The following NID2 variants were observed in gnomAD, a reference collection of about 807,000 sequenced individuals.
The protein encoded by NID2 is nidogen 2, also known as nidogen-2.
NID2 carries 83 observed loss-of-function variants against 145.4 expected under a neutral mutation model. The ratio of observed to expected loss-of-function variants is 0.57; its 90% confidence interval spans 0.48 to 0.69. The LOEUF (loss-of-function observed/expected upper bound fraction) is 0.69. NID2 is among the 30% of genes least tolerant of loss of function. The pLI is 0.00. For missense variants in NID2, 1,807 were observed against 1,765.7 expected (o/e 1.02, Z -0.42); for synonymous variants, 739 against 701.3 (o/e 1.05, Z -0.85).
rs746653150 is a variant in NID2 at position 52,068,985 on chromosome 14, C to T, written c.10G>A (p.Asp4Asn). The change falls in exon 1 of 22, where the codon GAC becomes AAC. Residue 4 changes from aspartate (D) to asparagine (N), a missense_variant. By Grantham distance (23) the Asp-to-Asn change is conservative. Transcript: ENST00000216286. ...AGCACCGGCCGCCCGGCCACCCGGT[C>T]CCCCTCCATGCTCGCTCGGCCGTGC... MEGDRVAGRPVLSS... is the reference protein window; with the variant it reads MEGNRVAGRPVLSS... The T allele has an allele frequency of 5.0e-5, 81 of 1,610,496 alleles. 1 individual carries two copies. In the South Asian group the frequency reaches 8.1e-4, roughly 16 times the overall value.
At chr14:52,028,074 T>C (rs764921760) in intron 11 of NID2, among the ~76,000 whole-genome samples, 4 of 152,302 alleles carry the variant, frequency 2.6e-5, no homozygotes, top group Non-Finnish European at 1.5e-5. Flanking sequence ...TCTCTTCTAA[T>C]TTGAAAAATA....
intron 2 of NID2, among the ~76,000 whole-genome samples, chr14:52,060,576 C>T (rs1172099013): frequency 1.3e-5 from 2 of 152,110 alleles, no homozygotes; most frequent in Non-Finnish European, 2.9e-5. Flanking sequence ...TTTATTATTG[C>T]AAATACCATT....
chr14:52,039,276 A>G (rs1009205043), intron 8 of NID2, among the ~76,000 whole-genome samples: 2 of 152,188 alleles, frequency 1.3e-5, no homozygotes, highest in African/African-American at 2.4e-5. Context: ...ATTCCTCACA[A>G]CAGCCTGGTG....
At chr14:52,035,997 G>C (rs1360986799) in intron 9 of NID2, among the ~76,000 whole-genome samples, 12 of 151,728 alleles carry the variant, frequency 7.9e-5, no homozygotes, top group Admixed American at 2.0e-4. Flanking sequence ...GCATAAGCCA[G>C]TATGCCTGGC....
At chr14:52,022,695 G>A (rs2073624) in intron 12 of NID2, among the ~76,000 whole-genome samples, 34,847 of 152,138 alleles carry the variant, frequency 0.23, 4,097 homozygotes, top group Non-Finnish European at 0.25. Flanking sequence ...TAAAGAACCT[G>A]TTTGGAAAAT....
At chr14:52,045,224 A>G (rs915528493) in intron 5 of NID2, among the ~76,000 whole-genome samples, 3 of 152,178 alleles carry the variant, frequency 2.0e-5, no homozygotes, top group African/African-American at 7.2e-5. Flanking sequence ...CGAGATGACT[A>G]TTACAGCATG....
intron 5 of NID2, among the ~76,000 whole-genome samples, chr14:52,047,712 G>C (rs1194598749): frequency 6.6e-6 from 1 of 152,112 alleles, no homozygotes; most frequent in African/African-American, 2.4e-5. Flanking sequence ...AAACCAAAAG[G>C]GTGGAGCTGC....
At chr14:52,017,991 G>A (rs1891275321) in intron 14 of NID2, among the ~76,000 whole-genome samples, 3 of 152,070 alleles carry the variant, frequency 2.0e-5, no homozygotes, top group Non-Finnish European at 4.4e-5. Flanking sequence ...GCTAATTTTT[G>A]TATTTTTAGT....
intron 12 of NID2, among the ~76,000 whole-genome samples, chr14:52,021,116 G>A (rs1402450034): frequency 6.6e-6 from 1 of 151,882 alleles, no homozygotes; most frequent in Non-Finnish European, 1.5e-5. Flanking sequence ...CAGAGTAAAA[G>A]GAGGATAAAC....
intron 16 of NID2, among the ~76,000 whole-genome samples, chr14:52,013,467 T>G (rs1358315660): frequency 6.6e-6 from 1 of 152,164 alleles, no homozygotes; most frequent in East Asian, 1.9e-4. Flanking sequence ...TGGAACCAAA[T>G]AAGTGTCGTT....
intron 16 of NID2, 175 bp from the exon 17 acceptor site, chr14:52,011,858 TTAG>T: frequency 4.3e-6 from 3 of 698,684 alleles, no homozygotes; most frequent in South Asian, 3.7e-5. Context: ...GCTCAGCCAC[TTAG>T]TAGCCATGTG....
At position 52,007,999 on chromosome 14, in the gene NID2, T is replaced by G. The variant is rs201572293; in HGVS notation, c.3723-32A>C. ...GTTAAAAATCAAGATTGTAAAAGAA[T>G]AGCCATGTAGCCTGTGGTAGGCAGC... On this transcript the variant is annotated intron_variant, in intron 18 of 21. Transcript: ENST00000216286. The G allele has an allele frequency of 5.1e-6, 8 of 1,570,454 alleles. No homozygotes were observed. The African/African-American group carries it at 9.6e-5, about 19-fold the overall frequency.
At chr14:52,028,878 C>A (rs1409807447) in intron 10 of NID2, 28 bp from the exon 11 acceptor site, 18 of 1,611,630 alleles carry the variant, frequency 1.1e-5, no homozygotes, top group Non-Finnish European at 1.5e-5. Context: ...GAGAAAAATT[C>A]TGCTTAATTC....
At chr14:52,046,541 A>G (rs1340728428) in intron 5 of NID2, among the ~76,000 whole-genome samples, 1 of 152,180 alleles carries the variant, frequency 6.6e-6, no homozygotes, top group Admixed American at 6.5e-5. Flanking sequence ...CTAGATATGG[A>G]GAGTTAAACT....
intron 5 of NID2, among the ~76,000 whole-genome samples, chr14:52,047,847 T>C (rs1011086489): frequency 4.6e-5 from 7 of 152,114 alleles, no homozygotes; most frequent in African/African-American, 1.4e-4. Context: ...CACAGCACCA[T>C]GCAGTCCTTC....
intron 2 of NID2, among the ~76,000 whole-genome samples, chr14:52,067,418 A>G (rs1411781721): frequency 6.6e-6 from 1 of 152,260 alleles, no homozygotes; most frequent in East Asian, 1.9e-4. Context: ...AACTCTGAAA[A>G]TGTACGCAGA....
At chr14:52,030,533 AAAG>A (rs1370816535) in intron 9 of NID2, among the ~76,000 whole-genome samples, 317 of 54,132 alleles carry the variant, frequency 5.9e-3, no homozygotes, top group African/African-American at 0.018. Context: ...AGAAAGAAAG[AAAG>A]AAAGAAAGAA....
At position 52,054,253 on chromosome 14, in the gene NID2, A is replaced by T; in HGVS notation, c.836T>A (p.Val279Asp). ...AAGGTCTCCAACTGCAGCTGGCCTG[A>T]CATTGTCCAACGGGGAAGTGCTGCC... ...HIGSTSPLDN[V>D]RPAAVGDLSA... Residue 279 changes from valine (V) to aspartate (D), a missense_variant, in exon 4 of 22, where the codon GTC becomes GAC. By Grantham distance (152) the Val-to-Asp change is radical. Coordinates refer to ENST00000216286, the MANE Select transcript of NID2 (RefSeq NM_007361.4). 1 of 1,614,184 alleles carries T rather than the reference A, an allele frequency of 6.2e-7. No homozygotes were observed. Among genetic ancestry groups the T allele is most frequent in the South Asian group, 1.1e-5 (1 of 91,080 alleles).
In NID2 at chr14:52,028,870, G is replaced by A. The variant is rs755139867; in HGVS notation, c.2402-20C>T. 7 of 1,611,718 alleles carry A rather than the reference G, an allele frequency of 4.3e-6. No individual in the cohort carries two copies. Among genetic ancestry groups the A allele is most frequent in the Non-Finnish European group, 5.1e-6 (6 of 1,179,140 alleles). The stretch of plus-strand genomic sequence containing the variant: ...TTTCATCTAAGAAGAAATGAGAAGA[G>A]AAAAATTCTGCTTAATTCAAGGGTC... On this transcript the variant is annotated intron_variant, in intron 10 of 21. Coordinates refer to ENST00000216286, the MANE Select transcript of NID2 (RefSeq NM_007361.4).
Sources: allele counts gnomAD v4.1 joint callset (sites outside exome capture counted in the v4.1 genomes callset), GRCh38; gene constraint gnomAD v4.1.1; transcripts MANE v1.5; gene names NCBI Gene and HGNC (gene_info 2026-07-23, HGNC 2026-07-21).